Variants in IL34 observed in about 807,000 individuals in gnomAD.
IL34 encodes the protein interleukin 34.
Under a neutral mutation model 25.3 loss-of-function variants are expected in IL34, and 17 were observed. That is an observed-to-expected ratio of 0.67 (90% CI 0.46 to 1.01). IL34 has a LOEUF of 1.01. Among genes scored for constraint, IL34 ranks in the 50% least tolerant of loss-of-function variants. IL34 has a pLI of 0.00. For missense variants in IL34, 368 were observed against 312.9 expected (o/e 1.18, Z -1.33); for synonymous variants, 174 against 140.9 (o/e 1.23, Z -1.66).
chr16:70,655,197 T>C (rs1188826481), intron 2 of IL34, among the ~76,000 whole-genome samples: 9 of 139,010 alleles, frequency 6.5e-5, no homozygotes, highest in African/African-American at 2.4e-4. Context: ...GGACTACAGG[T>C]GCGCGCCACC....
chr16:70,583,492 G>C (rs2050658239), intron 1 of IL34, among the ~76,000 whole-genome samples: 1 of 152,144 alleles, frequency 6.6e-6, no homozygotes, highest in Non-Finnish European at 1.5e-5. Context: ...TGGTGGCCTG[G>C]TATGCCTCCA....
chr16:70,649,317 T>C (rs2052021295), intron 1 of IL34, among the ~76,000 whole-genome samples: 1 of 152,190 alleles, frequency 6.6e-6, no homozygotes, highest in Non-Finnish European at 1.5e-5. Context: ...GCATGCAGAT[T>C]AAGGGGCAGT....
At chr16:70,632,475 T>C (rs1464977392) in intron 1 of IL34, among the ~76,000 whole-genome samples, 1 of 152,150 alleles carries the variant, frequency 6.6e-6, no homozygotes. Flanking sequence ...GGTGGGCATT[T>C]TGGGGAACAC....
chr16:70,656,720 C>T (rs199725968), intron 3 of IL34, 41 bp downstream of exon 3: 10 of 1,035,074 alleles, frequency 9.7e-6, no homozygotes, highest in East Asian at 2.4e-5. Flanking sequence ...CTGCCTCCTG[C>T]GACATCCGGT....
chr16:70,643,085 A>G (rs1285863236), upstream of IL34, among the ~76,000 whole-genome samples: 4 of 152,036 alleles, frequency 2.6e-5, no homozygotes, highest in Non-Finnish European at 4.4e-5. Flanking sequence ...TATTTTTGAG[A>G]CGGATCTCAC....
At chr16:70,657,689 C>G (rs895440932) in intron 4 of IL34, among the ~76,000 whole-genome samples, 10 of 152,092 alleles carry the variant, frequency 6.6e-5, no homozygotes, top group Admixed American at 3.3e-4. Flanking sequence ...GCAGGAGAAT[C>G]GCTTGAACCT....
intron 1 of IL34, among the ~76,000 whole-genome samples, chr16:70,592,107 A>T (rs1008436696): frequency 1.3e-5 from 2 of 151,696 alleles, no homozygotes. Flanking sequence ...CTCCAGGTTC[A>T]TTCTTGTCTC....
chr16:70,614,346 G>T (rs563845116), intron 1 of IL34, among the ~76,000 whole-genome samples: 1 of 152,264 alleles, frequency 6.6e-6, no homozygotes, highest in East Asian at 1.9e-4. Flanking sequence ...CACCCCATCA[G>T]TGTCATCCGA....
At chr16:70,605,868 C>G (rs1052682459) in intron 1 of IL34, among the ~76,000 whole-genome samples, 2 of 150,700 alleles carry the variant, frequency 1.3e-5, no homozygotes. Flanking sequence ...GACGGGGTTT[C>G]ATCATGTTGG....
intron 1 of IL34, among the ~76,000 whole-genome samples, chr16:70,582,645 A>G (rs2050648210): frequency 6.6e-6 from 1 of 152,290 alleles, no homozygotes; most frequent in Non-Finnish European, 1.5e-5. Flanking sequence ...GCTGCACTCC[A>G]GAGCCTTCAG....
chr16:70,580,330 T>C (rs1161109696), intron 1 of IL34, among the ~76,000 whole-genome samples: 1 of 152,248 alleles, frequency 6.6e-6, no homozygotes, highest in Non-Finnish European at 1.5e-5. Flanking sequence ...CACTTCTCTG[T>C]GTGTGCCCTT....
In IL34 at chr16:70,637,916, T is replaced by C. The variant is rs541836658; in HGVS notation, c.-400-8632T>C. On this transcript the variant is annotated intron_variant, in intron 1 of 6. Transcript: ENST00000429149. ...CAGTTCTCAGATTTTGCTAACTGCT[T>C]TTCTGTGGTTTGACATTTAGGTGGT... Among the ~76,000 whole-genome samples, 27 of 152,352 alleles carry C rather than the reference T, an allele frequency of 1.8e-4. No individual in the cohort carries two copies. In the South Asian group the frequency reaches 4.8e-3, roughly 27 times the overall value.
chr16:70,637,948 G>GT (rs1399949720), intron 1 of IL34, among the ~76,000 whole-genome samples: 1 of 152,116 alleles, frequency 6.6e-6, no homozygotes, highest in Non-Finnish European at 1.5e-5. Flanking sequence ...TGGTTTCCAG[G>GT]TTTTTTTGTT....
At chr16:70,652,935 G>A (rs1597780039) in intron 1 of IL34, among the ~76,000 whole-genome samples, 1 of 152,200 alleles carries the variant, frequency 6.6e-6, no homozygotes, top group South Asian at 2.1e-4. Flanking sequence ...CGGGCATGGT[G>A]GCTCGTGCCT....
intron 1 of IL34, among the ~76,000 whole-genome samples, chr16:70,633,077 A>G (rs1163576543): frequency 3.3e-5 from 5 of 151,820 alleles, no homozygotes; most frequent in African/African-American, 1.2e-4. Context: ...TGATCCTCCC[A>G]CCTTAGCCTC....
chr16:70,610,599 A>C (rs2051076201), intron 1 of IL34, among the ~76,000 whole-genome samples: 1 of 152,192 alleles, frequency 6.6e-6, no homozygotes, highest in Admixed American at 6.5e-5. Flanking sequence ...CAGTTAGGAT[A>C]ATGTCGAGTG....
chr16:70,607,166 A>C (rs1481146477), intron 1 of IL34, among the ~76,000 whole-genome samples: 3 of 151,906 alleles, frequency 2.0e-5, no homozygotes, highest in African/African-American at 7.3e-5. Flanking sequence ...CAGTGGCTCG[A>C]TCTCTGCTCA....
At chr16:70,618,165 G>C (rs982536941) in intron 1 of IL34, among the ~76,000 whole-genome samples, 2 of 152,128 alleles carry the variant, frequency 1.3e-5, no homozygotes, top group African/African-American at 4.8e-5. Context: ...CGGGCTAGTG[G>C]CTTGTACTAT....
intron 1 of IL34, among the ~76,000 whole-genome samples, chr16:70,587,962 C>A (rs2050713821): frequency 6.6e-6 from 1 of 151,888 alleles, no homozygotes; most frequent in Admixed American, 6.6e-5. Context: ...TCACTTGAAC[C>A]CAGGAGGCGG....
Sources: gnomAD v4.1 joint callset for allele counts (sites outside exome capture counted in the v4.1 genomes callset) on GRCh38, gnomAD v4.1.1 for gene constraint, MANE v1.5 for transcripts, NCBI Gene and HGNC (gene_info 2026-07-23, HGNC 2026-07-21) for gene names.